GPHN: variants seen among roughly 807,000 people sequenced by gnomAD.
GPHN encodes gephyrin.
Under a neutral mutation model 95.5 loss-of-function variants are expected in GPHN, and 17 were observed. That is an observed-to-expected ratio of 0.18 (90% CI 0.12 to 0.27). GPHN has a LOEUF of 0.27. Ranked by LOEUF, GPHN falls within the 10% of genes least tolerant of loss-of-function variation. The pLI is 1.00. For missense variants in GPHN, 660 were observed against 978.1 expected (o/e 0.67, Z 4.34); for synonymous variants, 320 against 322.5 (o/e 0.99, Z 0.08).
At chr14:66,991,237 A>G (rs1174502244) in intron 9 of GPHN, among the ~76,000 whole-genome samples, 2 of 152,170 alleles carry the variant, frequency 1.3e-5, no homozygotes, top group Non-Finnish European at 2.9e-5. Flanking sequence ...TAGTAATTTT[A>G]GTAATAATAA....
At chr14:66,735,895 G>T (rs970806752) in intron 2 of GPHN, among the ~76,000 whole-genome samples, 12 of 151,938 alleles carry the variant, frequency 7.9e-5, no homozygotes, top group Non-Finnish European at 1.6e-4. Flanking sequence ...TTTATTTCTT[G>T]TTTAATACTT....
intron 3 of GPHN, among the ~76,000 whole-genome samples, chr14:66,800,778 T>C (rs1221237678): frequency 6.6e-6 from 1 of 152,140 alleles, no homozygotes; most frequent in Non-Finnish European, 1.5e-5. Context: ...TTTTGAATAA[T>C]CTTTCTACCC....
intron 17 of GPHN, among the ~76,000 whole-genome samples, chr14:67,134,486 A>G (rs2079916712): frequency 6.6e-6 from 1 of 152,192 alleles, no homozygotes. Context: ...TTATTAGCCT[A>G]TGATATTATA....
At chr14:67,041,933 CATT>C (rs763243299) in intron 10 of GPHN, among the ~76,000 whole-genome samples, 33 of 152,266 alleles carry the variant, frequency 2.2e-4, no homozygotes, top group Admixed American at 5.9e-4. Context: ...GATGGTATCT[CATT>C]GTTGTTTTGA....
At chr14:67,194,559 G>A in the GPHN span, among the ~76,000 whole-genome samples, 3 of 151,992 alleles carry the variant, frequency 2.0e-5, no homozygotes, top group Non-Finnish European at 2.9e-5. Context: ...AGGCTAGAGT[G>A]CAGTGGCACA....
intron 2 of GPHN, among the ~76,000 whole-genome samples, chr14:66,686,872 A>ATATTGGC (rs1209018630): frequency 3.3e-5 from 5 of 152,070 alleles, no homozygotes; most frequent in Non-Finnish European, 5.9e-5. Context: ...ATTCAGTATG[A>ATATTGGC]TATTGGCTGT....
the GPHN span, among the ~76,000 whole-genome samples, chr14:67,257,028 G>A: frequency 3.4e-4 from 52 of 152,116 alleles, no homozygotes; most frequent in Non-Finnish European, 6.2e-4. Flanking sequence ...TTTTAAATAC[G>A]TTTTAGGGAG....
At chr14:66,904,495 T>C (rs1195254174) in intron 5 of GPHN, among the ~76,000 whole-genome samples, 1 of 152,190 alleles carries the variant, frequency 6.6e-6, no homozygotes, top group Non-Finnish European at 1.5e-5. Flanking sequence ...GAGCACTGAT[T>C]GGTACGTTTT....
the GPHN span, among the ~76,000 whole-genome samples, chr14:67,229,073 ATT>A: frequency 2.0e-5 from 3 of 152,212 alleles, no homozygotes; most frequent in African/African-American, 7.2e-5. Flanking sequence ...GGACACTACT[ATT>A]TTCCCCTGTT....
chr14:67,134,459 T>A (rs1179522295), intron 17 of GPHN, among the ~76,000 whole-genome samples: 1 of 152,246 alleles, frequency 6.6e-6, no homozygotes, highest in African/African-American at 2.4e-5. Flanking sequence ...GTATCTTTTC[T>A]TTCATCCCAG....
the GPHN span, among the ~76,000 whole-genome samples, chr14:67,325,997 T>TC: frequency 6.8e-6 from 1 of 146,244 alleles, no homozygotes. Context: ...TTTTTTTTTT[T>TC]TGTATTTTTA....
intron 3 of GPHN, among the ~76,000 whole-genome samples, chr14:66,813,403 G>A (rs1207978872): frequency 1.3e-5 from 2 of 152,152 alleles, no homozygotes; most frequent in African/African-American, 4.8e-5. Context: ...ATAGAAGCTG[G>A]GCTAAAGGAA....
At position 67,144,286 on chromosome 14, in the gene GPHN, T is replaced by TACAC. The variant is rs1555502099; in HGVS notation, c.1836+845_1836+848dup. ...ATATATATATATATATATATATATATACACACACACATACACAAATATTTT... is the reference window on the plus strand; with the variant it reads ...ATATATATATATATATATATATATATACACACACACACACATACACAAATATTTT... On this transcript the variant is annotated intron_variant, in intron 18 of 22. Coordinates refer to ENST00000478722, the MANE Select transcript of GPHN (RefSeq NM_020806.5). Among the ~76,000 whole-genome samples, 35 of 78,110 alleles carry TACAC rather than the reference T, an allele frequency of 4.5e-4. 2 individuals carry two copies. Among genetic ancestry groups the TACAC allele is most frequent in the African/African-American group, 2.0e-3 (31 of 15,652 alleles). 51.2% of individuals were successfully genotyped at this position (78,110 alleles called of 152,430 possible). A position where few individuals can be genotyped will look rare whatever the true frequency, so the allele number is the denominator to read the frequency against.
intron 13 of GPHN, among the ~76,000 whole-genome samples, chr14:67,103,304 G>T (rs2077830472): frequency 6.6e-6 from 1 of 152,068 alleles, no homozygotes; most frequent in Non-Finnish European, 1.5e-5. Context: ...GAAGCCTCCA[G>T]TTTTCTTCTT....
intron 1 of GPHN, among the ~76,000 whole-genome samples, chr14:66,534,224 C>G (rs966579943): frequency 6.6e-6 from 1 of 152,140 alleles, no homozygotes; most frequent in Non-Finnish European, 1.5e-5. Flanking sequence ...AATTAACACT[C>G]AGATCAAGAT....
chr14:67,685,277 T>C, the GPHN span: 1 of 1,258,870 alleles, frequency 7.9e-7, no homozygotes, highest in Non-Finnish European at 1.1e-6. Flanking sequence ...CAGAAAAGGA[T>C]GTAAATAAGC....
intron 2 of GPHN, among the ~76,000 whole-genome samples, chr14:66,721,821 C>A (rs2070764786): frequency 6.6e-6 from 1 of 151,754 alleles, no homozygotes. Flanking sequence ...CATGTTAGTG[C>A]CCGCCTGTAA....
intron 20 of GPHN, among the ~76,000 whole-genome samples, chr14:67,168,692 G>T (rs1025461767): frequency 6.6e-6 from 1 of 152,114 alleles, no homozygotes; most frequent in African/African-American, 2.4e-5. Flanking sequence ...GAAATAAATG[G>T]CGTTAAACAG....
chr14:67,285,570 C>T, the GPHN span, among the ~76,000 whole-genome samples: 4 of 148,596 alleles, frequency 2.7e-5, no homozygotes, highest in East Asian at 2.1e-4. Context: ...GGGGTTTCAC[C>T]GTGTTAGCCA....
Sources: gnomAD v4.1 joint callset for allele counts (sites outside exome capture counted in the v4.1 genomes callset) on GRCh38, gnomAD v4.1.1 for gene constraint, MANE v1.5 for transcripts, NCBI Gene and HGNC (gene_info 2026-07-23, HGNC 2026-07-21) for gene names.